Variants in TNRC18 observed in about 807,000 individuals in gnomAD.
TNRC18 encodes trinucleotide repeat containing 18.
In TNRC18, 69 loss-of-function variants were observed where a neutral mutation model predicts 226.7. That is an observed-to-expected ratio of 0.30 (90% CI 0.25 to 0.37). The LOEUF (loss-of-function observed/expected upper bound fraction) is 0.37, where lower values mean the gene tolerates loss of function less well. Among genes scored for constraint, TNRC18 ranks in the 10% least tolerant of loss-of-function variants. The probability of loss-of-function intolerance (pLI) is 1.00; values close to 1 mark genes in which losing one functional copy is unlikely to be tolerated. For missense variants in TNRC18, 4,754 were observed against 4,256.6 expected (o/e 1.12, Z -3.25); for synonymous variants, 2,449 against 1,927.6 (o/e 1.27, Z -7.09).
intron 27 of TNRC18, among the ~76,000 whole-genome samples, chr7:5,310,818 C>T (rs925940957): frequency 6.6e-6 from 1 of 152,264 alleles, no homozygotes; most frequent in Non-Finnish European, 1.5e-5. Flanking sequence ...TGGGGGCTCC[C>T]TGCCAGCCTG....
At chr7:5,327,094 G>C (rs1381569505) in intron 19 of TNRC18, among the ~76,000 whole-genome samples, 1 of 152,208 alleles carries the variant, frequency 6.6e-6, no homozygotes, top group Non-Finnish European at 1.5e-5. Context: ...CTGCACTCCA[G>C]CCTGGGCGAC....
intron 11 of TNRC18, among the ~76,000 whole-genome samples, chr7:5,363,281 C>A (rs1793259118): frequency 6.6e-6 from 1 of 150,388 alleles, no homozygotes; most frequent in South Asian, 2.1e-4. Flanking sequence ...CCAGCCTGAG[C>A]AACAGAGCAA....
At chr7:5,374,561 C>A (rs1308794185) in intron 9 of TNRC18, 77 bp from the exon 10 acceptor site, 10 of 1,425,554 alleles carry the variant, frequency 7.0e-6, no homozygotes, top group South Asian at 2.7e-5. Context: ...CCCTGTCCCC[C>A]CAAGGGTCCC....
chr7:5,322,283 A>AATCATC (rs60369027), intron 21 of TNRC18, among the ~76,000 whole-genome samples: 19,869 of 148,944 alleles, frequency 0.13, 1,536 homozygotes, highest in South Asian at 0.23. Flanking sequence ...CCGTCTCAAT[A>AATCATC]ATCATCATCA....
rs758961052 is a variant in TNRC18, at chr7:5,343,080, G to A, written c.5719+2482C>T. 1.2e-4 allele frequency among the ~76,000 whole-genome samples: 18 copies of A among 152,126 alleles called. 1 individual carries two copies. Among genetic ancestry groups the A allele is most frequent in the Non-Finnish European group, 2.1e-4 (14 of 68,028 alleles). ...AGACATAATGCTATTACGTCCAGGC[G>A]CGGTGGCTCACACCTGGAATCCCAG... On this transcript the variant is annotated intron_variant, in intron 18 of 29. Transcript: ENST00000430969.
chr7:5,332,918 G>A lies in TNRC18; in HGVS notation c.5851C>T (p.Arg1951Cys), dbSNP rs1228505721. 6.5e-7 allele frequency: 1 copy of A among 1,540,024 alleles called. No homozygotes were observed. The highest frequency in any genetic ancestry group is 1.2e-5 in the South Asian group (1 of 84,596). The change falls in exon 19 of 30, where the codon CGC becomes TGC. Residue 1951 changes from arginine to cysteine, a missense_variant. Arg to Cys is a radical substitution (Grantham distance 180). Coordinates refer to ENST00000430969, the MANE Select transcript of TNRC18 (RefSeq NM_001080495.3). ...PSLAAPTPGA[R>C]GPDPSSPDKA... ...TCTGGGCTGCTGGGGTCGGGACCGC[G>A]GGCGCCAGGCGTGGGTGCGGCCAGG...
At chr7:5,319,513 T>C (rs1158277315) in intron 24 of TNRC18, among the ~76,000 whole-genome samples, 3 of 152,162 alleles carry the variant, frequency 2.0e-5, no homozygotes, top group Non-Finnish European at 4.4e-5. Flanking sequence ...GCCTCCATTC[T>C]TTTTTCTTTT....
intron 1 of TNRC18, among the ~76,000 whole-genome samples, chr7:5,422,302 A>C (rs1782632282): frequency 6.6e-6 from 1 of 152,096 alleles, no homozygotes; most frequent in Non-Finnish European, 1.5e-5. Flanking sequence ...AAGGAAAGGG[A>C]TCAAGGGTCT....
intron 10 of TNRC18, among the ~76,000 whole-genome samples, chr7:5,372,098 C>T (rs1038262322): frequency 3.6e-4 from 55 of 151,254 alleles, no homozygotes; most frequent in African/African-American, 1.2e-3. Context: ...GACGCAGTCT[C>T]GCTCTGTCAC....
At chr7:5,414,308 T>C (rs1015624228) in intron 2 of TNRC18, among the ~76,000 whole-genome samples, 1 of 150,552 alleles carries the variant, frequency 6.6e-6, no homozygotes, top group Non-Finnish European at 1.5e-5. Context: ...ATATATTATA[T>C]ATGTATATTT....
At chr7:5,422,432 T>G (rs968319142) in intron 1 of TNRC18, among the ~76,000 whole-genome samples, 3 of 149,322 alleles carry the variant, frequency 2.0e-5, no homozygotes, top group Admixed American at 6.8e-5. Flanking sequence ...CCCCCTGTAG[T>G]TCCAGGTTAA....
chr7:5,420,707 G>A, intron 2 of TNRC18: 2 of 532,886 alleles, frequency 3.8e-6, no homozygotes, highest in South Asian at 3.1e-5. Context: ...GTCTCGCGGG[G>A]TGCGGGGGCC....
chr7:5,309,288 G>A lies in TNRC18; in HGVS notation c.8469C>T (p.Asp2823=). The A allele has an allele frequency of 6.2e-7, 1 of 1,613,914 alleles. No homozygotes were observed. The highest frequency in any genetic ancestry group is 8.5e-7 in the Non-Finnish European group (1 of 1,179,824). The change falls in exon 28 of 30, where the codon GAC becomes GAT. Residue 2823 remains aspartate (D), a synonymous_variant. Coordinates refer to ENST00000430969, the MANE Select transcript of TNRC18 (RefSeq NM_001080495.3). The surrounding 1 kb of genome is among the most constrained non-coding windows in gnomAD (Gnocchi z 5.7). ...VRGKEMIRIG[D]CAVFLSAGRP... ...GGCCGGCAGAGAGGAACACGGCACA[G>A]TCCCCGATACGGATCATCTCCTTGC...
chr7:5,324,229 G>T lies in TNRC18; in HGVS notation c.6427C>A (p.Arg2143=). The change falls in exon 21 of 30, where the codon CGG becomes AGG. Residue 2143 remains arginine (R), a synonymous_variant. Coordinates refer to ENST00000430969, the MANE Select transcript of TNRC18 (RefSeq NM_001080495.3). The surrounding 1 kb of genome is among the most constrained non-coding windows in gnomAD (Gnocchi z 4.8). Reference sequence around the variant, plus strand: ...GGCCACTCACCCGGGGTCAGCGGCCGCTCCACAGCCCCGCCACGCGGCAGG... The same window carrying T: ...GGCCACTCACCCGGGGTCAGCGGCCTCTCCACAGCCCCGCCACGCGGCAGG... ...EHLPRGGAVE[R]PLTPAPRSCI... 6.2e-7 allele frequency: 1 copy of T among 1,607,794 alleles called. No homozygotes were observed.
Position 5,367,405 on chromosome 7 carries a change from G to C in TNRC18, c.4219+2970C>G, listed in dbSNP as rs184889667. ...CAAAAACAAAACCAGTACCAGGTGG[G>C]AAGACCAAGGGAATGTTTTTTGTTT... is the stretch of plus-strand genomic sequence containing the variant. On this transcript the variant is annotated intron_variant, in intron 11 of 29. Transcript: ENST00000430969. Among the ~76,000 whole-genome samples the C allele has an allele frequency of 1.1e-3, 174 of 151,896 alleles. 1 individual carries two copies. The highest frequency in any genetic ancestry group is 3.8e-3 in the African/African-American group (156 of 41,470).
In TNRC18 at chr7:5,341,695, C is replaced by T. The variant is rs548340724; in HGVS notation, c.5719+3867G>A. Among the ~76,000 whole-genome samples the T allele has an allele frequency of 7.5e-4, 105 of 139,764 alleles. 1 individual carries two copies. The highest frequency in any genetic ancestry group is 2.7e-3 in the African/African-American group (100 of 37,510). The allele number at this position is 139,764 out of a possible 152,430, so 91.7% of individuals were successfully genotyped here. On this transcript the variant is annotated intron_variant, in intron 18 of 29. Coordinates refer to ENST00000430969, the MANE Select transcript of TNRC18 (RefSeq NM_001080495.3). Reference sequence around the variant, plus strand: ...AGAAAAATCGCTTGAACCTGGGAGGCGGAGGTTGCAGTGAGCCAAGATCGC... The same window carrying T: ...AGAAAAATCGCTTGAACCTGGGAGGTGGAGGTTGCAGTGAGCCAAGATCGC...
In TNRC18 at chr7:5,421,239, C is replaced by T; in HGVS notation, c.8G>A (p.Gly3Asp). 1 of 1,300,602 alleles carries T rather than the reference C, an allele frequency of 7.7e-7. No homozygotes were observed. The highest frequency in any genetic ancestry group is 3.1e-5 in the East Asian group (1 of 32,044). 80.6% of individuals were successfully genotyped at this position (1,300,602 alleles called of 1,614,324 possible). ...GGACCGCTGGGGCCCGAAGTCTCGG[C>T]CATCCATCCTCCGCGGGAGTGCCGC... is the stretch of plus-strand genomic sequence containing the variant. MD[G>D]RDFGPQRSVH... is the part of the protein sequence containing the mutation. Residue 3 changes from glycine to aspartate, a missense_variant, in exon 2 of 30, where the codon GGC becomes GAC. Transcript: ENST00000430969.
At position 5,421,162 on chromosome 7, in the gene TNRC18, G is replaced by C. The variant is rs1782561056; in HGVS notation, c.85C>G (p.Arg29Gly). 1 of 1,423,718 alleles carries C rather than the reference G, an allele frequency of 7.0e-7. No individual in the cohort carries two copies. Among genetic ancestry groups the C allele is most frequent in the African/African-American group, 1.5e-5 (1 of 66,484 alleles). The allele number at this position is 1,423,718 out of a possible 1,614,324, so 88.2% of individuals were successfully genotyped here. A position where few individuals can be genotyped will look rare whatever the true frequency, so the allele number is the denominator to read the frequency against. The change falls in exon 2 of 30, where the codon CGC (arginine) becomes GGC (glycine). Residue 29 changes from arginine to glycine, a missense_variant. Coordinates refer to ENST00000430969, the MANE Select transcript of TNRC18 (RefSeq NM_001080495.3). ...CGTCCGGCAGTGGCCGCGCCCACGC[G>C]GTGGCTGTCCATGGCCAGGCCGGAC... is the stretch of plus-strand genomic sequence containing the variant. ...LLSGLAMDSH[R>G]VGAATAGRLP... is the part of the protein sequence containing the mutation.
In TNRC18 at chr7:5,307,691, G is replaced by A; in HGVS notation, c.*415C>T. ...GCTAAGGGTGCTTGGGAAGCCCAGAGTGAGCGTCAGTTTGGTTCCTTAGAA... is the reference window on the plus strand; with the variant it reads ...GCTAAGGGTGCTTGGGAAGCCCAGAATGAGCGTCAGTTTGGTTCCTTAGAA... On this transcript the variant is annotated 3_prime_UTR_variant, in exon 30 of 30. Transcript: ENST00000430969. 1 of 334,296 alleles carries A rather than the reference G, an allele frequency of 3.0e-6. No individual in the cohort carries two copies. Among genetic ancestry groups the A allele is most frequent in the Non-Finnish European group, 6.0e-6 (1 of 167,396 alleles). The allele number at this position is 334,296 out of a possible 1,614,324, so 20.7% of individuals were successfully genotyped here.
Sources: allele counts gnomAD v4.1 joint callset (sites outside exome capture counted in the v4.1 genomes callset), GRCh38; gene constraint gnomAD v4.1.1; non-coding constraint Gnocchi (gnomAD v3.1); transcripts MANE v1.5; gene names NCBI Gene and HGNC (gene_info 2026-07-23, HGNC 2026-07-21).